Variants in PCDHA6 observed in about 807,000 individuals in gnomAD.
PCDHA6 encodes protocadherin alpha 6, also known as protocadherin alpha-6.
PCDHA6 carries 55 observed loss-of-function variants against 60.3 expected under a neutral mutation model. The observed-to-expected ratio is 0.91, with a 90% confidence interval of 0.73 to 1.14. PCDHA6 has a LOEUF of 1.14. Ranked by LOEUF, PCDHA6 falls within the 50% of genes most tolerant of loss-of-function variation. The pLI is 0.00. For missense variants in PCDHA6, 1,327 were observed against 1,256.5 expected, an observed-to-expected ratio of 1.06 and a Z score of -0.85; for synonymous variants, 652 against 557.9, an observed-to-expected ratio of 1.17 and a Z score of -2.38.
chr5:140,884,357 A>C, intron 1 of PCDHA6: 1 of 1,613,864 alleles, frequency 6.2e-7, no homozygotes. Context: ...GGTGGATGTC[A>C]ATGTTTACTT....
rs1554262721 is a variant in PCDHA6, at chr5:141,010,165, GA to G, written c.*230del. ...TTCTCTCCACTCTGGCTTGTTTTCA[GA>G]ACCTAAAAAGCAGACCCAAGTTTCC... On this transcript the variant is annotated 3_prime_UTR_variant, in exon 4 of 4. Coordinates refer to ENST00000529310, the MANE Select transcript of PCDHA6 (RefSeq NM_018909.4). The G allele has an allele frequency of 1.9e-6, 3 of 1,563,714 alleles. No homozygotes were observed.
chr5:140,901,286 C>T (rs1681382612), intron 1 of PCDHA6, among the ~76,000 whole-genome samples: 1 of 151,988 alleles, frequency 6.6e-6, no homozygotes. Flanking sequence ...AAATTTTTGC[C>T]CAGACTGATG....
rs568722959 is a variant in PCDHA6 at position 140,970,085 on chromosome 5, T to C, written c.2395-8864T>C. Among the ~76,000 whole-genome samples the C allele has an allele frequency of 2.6e-5, 4 of 151,946 alleles. No homozygotes were observed. The East Asian group carries it at 7.7e-4, about 29-fold the overall frequency. ...TATTAGAATGAGTGGATTAGGGGTG[T>C]GGGGGGATGGTGAAGACCAAGAGAA... is the stretch of plus-strand genomic sequence containing the variant. On this transcript the variant is annotated intron_variant, in intron 1 of 3. Coordinates refer to ENST00000529310, the MANE Select transcript of PCDHA6 (RefSeq NM_018909.4).
chr5:140,942,223 G>A (rs1334170178), intron 1 of PCDHA6, among the ~76,000 whole-genome samples: 4 of 152,064 alleles, frequency 2.6e-5, no homozygotes, highest in African/African-American at 9.7e-5. Flanking sequence ...TTTAAAATGT[G>A]TAGGCAAATA....
At chr5:140,852,575 C>CT (rs1395261617) in intron 1 of PCDHA6, 11 of 798,920 alleles carry the variant, frequency 1.4e-5, no homozygotes, top group Non-Finnish European at 1.7e-5. Context: ...TGTGCCAAGG[C>CT]TTTTTTATTT....
At chr5:140,842,829 C>A (rs2150345601) in intron 1 of PCDHA6, 3 of 1,593,748 alleles carry the variant, frequency 1.9e-6, no homozygotes, top group Admixed American at 3.4e-5. Flanking sequence ...GGCGAGCGCT[C>A]GCTGTCGAGC....
chr5:140,928,547 A>T (rs782813761), intron 1 of PCDHA6: 5 of 1,614,206 alleles, frequency 3.1e-6, no homozygotes, highest in Middle Eastern at 3.3e-4. Context: ...AATGACAATT[A>T]TCCGGTTATC....
At chr5:140,977,379 C>T (rs921133722) in intron 1 of PCDHA6, among the ~76,000 whole-genome samples, 4 of 152,134 alleles carry the variant, frequency 2.6e-5, no homozygotes, top group African/African-American at 2.4e-5. Flanking sequence ...AGTCATATTT[C>T]CAGGTTTATA....
chr5:141,005,701 CAAAAAAAAA>C (rs59860837), intron 3 of PCDHA6, among the ~76,000 whole-genome samples: 2 of 7,784 alleles, frequency 2.6e-4, no homozygotes, highest in African/African-American at 4.7e-4. Context: ...AACTCCGTCT[CAAAAAAAAA>C]AAAAAAAAAA....
chr5:140,882,666 T>G, intron 1 of PCDHA6: 1 of 1,614,160 alleles, frequency 6.2e-7, no homozygotes, highest in Non-Finnish European at 8.5e-7. Flanking sequence ...CCGCCCATAT[T>G]CCCTGAAAGC....
At chr5:140,882,160 C>G (rs2058982745) in intron 1 of PCDHA6, 8 of 1,509,868 alleles carry the variant, frequency 5.3e-6, no homozygotes, top group Non-Finnish European at 7.1e-6. Flanking sequence ...CGGAATACCT[C>G]TTGCGAATCC....
intron 3 of PCDHA6, among the ~76,000 whole-genome samples, chr5:140,984,589 T>C (rs2097109638): frequency 6.6e-6 from 1 of 152,186 alleles, no homozygotes; most frequent in Non-Finnish European, 1.5e-5. Flanking sequence ...ATCATACTTT[T>C]CAATACATAC....
At chr5:140,967,424 G>A (rs1554229541) in intron 1 of PCDHA6, 4 of 1,613,184 alleles carry the variant, frequency 2.5e-6, no homozygotes, top group Non-Finnish European at 2.5e-6. Context: ...CCGGGAGCAG[G>A]CAGCCTTGCA....
intron 1 of PCDHA6, among the ~76,000 whole-genome samples, chr5:140,910,829 C>G (rs938702955): frequency 6.6e-6 from 1 of 152,184 alleles, no homozygotes; most frequent in Non-Finnish European, 1.5e-5. Flanking sequence ...TAAATTCAGC[C>G]TGATCCAATG....
chr5:140,994,412 G>C (rs1412198813), intron 3 of PCDHA6, among the ~76,000 whole-genome samples: 1 of 152,068 alleles, frequency 6.6e-6, no homozygotes, highest in Non-Finnish European at 1.5e-5. Flanking sequence ...ATTTAATACT[G>C]GATATTGAGG....
chr5:140,851,638 T>A (rs2042116024), intron 1 of PCDHA6: 2 of 915,858 alleles, frequency 2.2e-6, no homozygotes, highest in Non-Finnish European at 2.7e-6. Context: ...AAGTGTTTCC[T>A]TTCTTCAAGA....
At chr5:140,926,018 G>C (rs1489789521) in intron 1 of PCDHA6, among the ~76,000 whole-genome samples, 1 of 152,122 alleles carries the variant, frequency 6.6e-6, no homozygotes, top group Non-Finnish European at 1.5e-5. Context: ...CCAGAGTCCG[G>C]AGGCAGTTTG....
rs781970935 is a variant in PCDHA6 at position 140,982,505 on chromosome 5, A to G, written c.2484A>G (p.Leu828=). The change falls in exon 3 of 4, where the codon CTA becomes CTG. Residue 828 remains leucine (L), a synonymous_variant. Coordinates refer to ENST00000529310, the MANE Select transcript of PCDHA6 (RefSeq NM_018909.4). ...TGCACCTAGAGGAGGCTGGCATTCT[A>G]CGGGCTGGTCCAGGAGGGCCTGATC... ...SSVHLEEAGI[L]RAGPGGPDQQ... The G allele has an allele frequency of 1.2e-6, 2 of 1,614,220 alleles. No homozygotes were observed. The highest frequency in any genetic ancestry group is 8.5e-7 in the Non-Finnish European group (1 of 1,180,032).
Position 140,828,068 on chromosome 5 carries a change from G to C in PCDHA6, c.-24G>C. ...TCTTTATGCGGAAGATCTTCTAATG[G>C]AAATAAAACCAGAGGTATTTGACAT... is the stretch of plus-strand genomic sequence containing the variant. On this transcript the variant is annotated 5_prime_UTR_variant, in exon 1 of 4. Transcript: ENST00000529310. 6.4e-7 allele frequency: 1 copy of C among 1,561,728 alleles called. No homozygotes were observed.
Sources: gnomAD v4.1 joint callset for allele counts (sites outside exome capture counted in the v4.1 genomes callset) on GRCh38, gnomAD v4.1.1 for gene constraint, MANE v1.5 for transcripts, NCBI Gene and HGNC (gene_info 2026-07-23, HGNC 2026-07-21) for gene names.